The following PHF20 variants were observed in gnomAD, a reference collection of about 807,000 sequenced individuals.
PHF20 encodes PHD finger protein 20.
PHF20 carries 23 observed loss-of-function variants against 113.5 expected under a neutral mutation model. The observed-to-expected ratio is 0.20, with a 90% CI of 0.15 to 0.29. The LOEUF is 0.29. Among genes scored for constraint, PHF20 ranks in the 10% least tolerant of loss-of-function variants. PHF20 has a pLI of 1.00. For missense variants in PHF20, 943 were observed against 1,219.6 expected, an observed-to-expected ratio of 0.77 and a Z score of 3.38; for synonymous variants, 434 against 457.3, an observed-to-expected ratio of 0.95 and a Z score of 0.65.
intron 2 of PHF20, among the ~76,000 whole-genome samples, chr20:35,807,017 G>C (rs887282902): frequency 8.6e-5 from 13 of 151,758 alleles, no homozygotes; most frequent in African/African-American, 2.7e-4. Context: ...GGATGGTCTC[G>C]ATCTCCTGAC....
At chr20:35,853,850 G>A (rs1490452580) in intron 4 of PHF20, among the ~76,000 whole-genome samples, 1 of 151,812 alleles carries the variant, frequency 6.6e-6, no homozygotes, top group Non-Finnish European at 1.5e-5. Context: ...TGCCTCCCAG[G>A]TTCGAGTGAT....
chr20:35,858,183 C>T, intron 4 of PHF20, 119 bp from the exon 5 acceptor site: 1 of 495,716 alleles, frequency 2.0e-6, no homozygotes, highest in Non-Finnish European at 3.6e-6. Context: ...GATTCTTAAA[C>T]AGTTTTAAAC....
chr20:35,914,707 G>A (rs2055369366), intron 12 of PHF20, among the ~76,000 whole-genome samples: 1 of 152,006 alleles, frequency 6.6e-6, no homozygotes, highest in South Asian at 2.1e-4. Flanking sequence ...GCTCACACTT[G>A]TAATCCCTAC....
chr20:35,850,597 T>G (rs1485430483), intron 4 of PHF20: 3 of 83,906 alleles, frequency 3.6e-5, no homozygotes, highest in Non-Finnish European at 6.6e-5. Flanking sequence ...TTTTTTTTTT[T>G]TTTTTTTTTT....
chr20:35,913,556 G>A (rs1337587891), intron 11 of PHF20, among the ~76,000 whole-genome samples: 1 of 152,218 alleles, frequency 6.6e-6, no homozygotes, highest in Non-Finnish European at 1.5e-5. Flanking sequence ...GCATTGAAAA[G>A]CCTTCTCACT....
At chr20:35,825,116 T>G (rs1313082859) in intron 2 of PHF20, among the ~76,000 whole-genome samples, 2 of 152,226 alleles carry the variant, frequency 1.3e-5, no homozygotes, top group East Asian at 3.8e-4. Context: ...CTGTTTAACC[T>G]TTTGAGGAAC....
intron 1 of PHF20, among the ~76,000 whole-genome samples, chr20:35,798,194 C>G (rs1310651741): frequency 6.6e-6 from 1 of 152,092 alleles, no homozygotes; most frequent in Admixed American, 6.6e-5. Context: ...AGGAGGATCA[C>G]TTGAACCTGG....
At chr20:35,922,095 G>T (rs1482454011) in intron 13 of PHF20, among the ~76,000 whole-genome samples, 1 of 152,222 alleles carries the variant, frequency 6.6e-6, no homozygotes, top group African/African-American at 2.4e-5. Flanking sequence ...GCATGGCAGA[G>T]TCAGGAGCCA....
At chr20:35,798,386 C>T (rs1356000235) in intron 1 of PHF20, among the ~76,000 whole-genome samples, 4 of 152,082 alleles carry the variant, frequency 2.6e-5, no homozygotes, top group Non-Finnish European at 5.9e-5. Flanking sequence ...GTAGACCAGC[C>T]TGAGTGACAG....
chr20:35,827,379 C>G (rs1465438372), intron 2 of PHF20, among the ~76,000 whole-genome samples: 1 of 152,230 alleles, frequency 6.6e-6, no homozygotes, highest in African/African-American at 2.4e-5. Context: ...AAAGTTAAGT[C>G]AAATTCTGGG....
rs144630459 is a variant in PHF20 at position 35,836,264 on chromosome 20, C to A, written c.84-6309C>A. Among the ~76,000 whole-genome samples the A allele has an allele frequency of 8.8e-3, 1,342 of 152,116 alleles. 23 individuals are homozygous for A. The highest frequency in any genetic ancestry group is 0.031 in the African/African-American group (1,285 of 41,480). Reference sequence around the variant, plus strand: ...ACTCCTGGCTTCAAAGTGATACTCTCATCTTGGCCTCCCAAAGTGCTGGGA... The same window carrying A: ...ACTCCTGGCTTCAAAGTGATACTCTAATCTTGGCCTCCCAAAGTGCTGGGA... On this transcript the variant is annotated intron_variant, in intron 2 of 17. Transcript: ENST00000374012.
intron 15 of PHF20, among the ~76,000 whole-genome samples, chr20:35,934,650 G>C (rs1031651361): frequency 1.5e-4 from 23 of 152,092 alleles, no homozygotes; most frequent in African/African-American, 5.6e-4. Flanking sequence ...AGAAGAGGGA[G>C]GGCAAATAGT....
At chr20:35,871,613 A>G (rs2054422054) in intron 8 of PHF20, 37 bp from the exon 9 acceptor site, 1 of 1,540,972 alleles carries the variant, frequency 6.5e-7, no homozygotes, top group Non-Finnish European at 8.8e-7. Flanking sequence ...AATTACATAC[A>G]TGTATATTTC....
At chr20:35,919,207 C>T (rs556548223) in intron 13 of PHF20, among the ~76,000 whole-genome samples, 17 of 151,372 alleles carry the variant, frequency 1.1e-4, no homozygotes, top group African/African-American at 1.5e-4. Flanking sequence ...AGTAGAGAAG[C>T]GGTTTCTCCA....
At chr20:35,815,711 C>T (rs140296118) in intron 2 of PHF20, among the ~76,000 whole-genome samples, 5,984 of 151,554 alleles carry the variant, frequency 0.039, 217 homozygotes, top group South Asian at 0.2. Context: ...GTGTTCCACC[C>T]GCCTCAGCCT....
At chr20:35,900,803 C>T (rs559433982) in intron 10 of PHF20, among the ~76,000 whole-genome samples, 1 of 152,282 alleles carries the variant, frequency 6.6e-6, no homozygotes, top group East Asian at 1.9e-4. Context: ...TGCCACTGCA[C>T]TCCAGCCTGG....
At chr20:35,832,115 C>G (rs1411750401) in intron 2 of PHF20, among the ~76,000 whole-genome samples, 1 of 152,116 alleles carries the variant, frequency 6.6e-6, no homozygotes, top group Non-Finnish European at 1.5e-5. Flanking sequence ...TGATTTACTC[C>G]TATTACATCT....
In PHF20 at chr20:35,915,236, T is replaced by C. The variant is rs993265733; in HGVS notation, c.1825+1039T>C. Among the ~76,000 whole-genome samples the C allele has an allele frequency of 1.1e-4, 16 of 150,492 alleles. No individual in the cohort carries two copies. In the East Asian group the frequency reaches 3.1e-3, roughly 29 times the overall value. On this transcript the variant is annotated intron_variant, in intron 12 of 17. Coordinates refer to ENST00000374012, the MANE Select transcript of PHF20 (RefSeq NM_016436.5). ...TACAGGATGGTACATATGAAGGCATTGAAGTGTAAGTGGATGTGCAGGTGA... is the reference window on the plus strand; with the variant it reads ...TACAGGATGGTACATATGAAGGCATCGAAGTGTAAGTGGATGTGCAGGTGA...
chr20:35,852,902 A>G (rs1213161614), intron 4 of PHF20, among the ~76,000 whole-genome samples: 1 of 150,058 alleles, frequency 6.7e-6, no homozygotes, highest in African/African-American at 2.4e-5. Context: ...CGACCTGACT[A>G]ATCTTTTTTT....
Sources: gnomAD v4.1 joint callset for allele counts (sites outside exome capture counted in the v4.1 genomes callset) on GRCh38, gnomAD v4.1.1 for gene constraint, MANE v1.5 for transcripts, NCBI Gene and HGNC (gene_info 2026-07-23, HGNC 2026-07-21) for gene names.